IQGAP2: variants seen among roughly 807,000 people sequenced by gnomAD.
The protein encoded by IQGAP2 is ras GTPase-activating-like protein IQGAP2.
In IQGAP2, 173 loss-of-function variants were observed where a neutral mutation model predicts 201.3. The observed-to-expected ratio is 0.86, with a 90% CI of 0.76 to 0.98. IQGAP2 has a LOEUF of 0.98. IQGAP2 is among the 50% of genes least tolerant of loss of function. The pLI is 0.00. For missense variants in IQGAP2, 1,687 were observed against 1,864.8 expected (o/e 0.90, Z 1.76); for synonymous variants, 675 against 673.9 (o/e 1.00, Z -0.03).
chr5:76,523,298 T>C (rs150445707), intron 2 of IQGAP2, among the ~76,000 whole-genome samples: 2 of 152,088 alleles, frequency 1.3e-5, no homozygotes, highest in East Asian at 3.9e-4. Flanking sequence ...TCTATGCTGC[T>C]GGGGCTGTTC....
intron 20 of IQGAP2, 43 bp from the exon 21 acceptor site, chr5:76,658,416 C>G (rs201828708): frequency 2.2e-5 from 32 of 1,457,776 alleles, no homozygotes; most frequent in Non-Finnish European, 2.9e-5. Context: ...GATAATCATT[C>G]CAAGCTTTCC....
rs1747339082 is a variant in IQGAP2 at position 76,701,071 on chromosome 5, G to T, written c.4368-5G>T. 6.2e-7 allele frequency: 1 copy of T among 1,613,804 alleles called. No homozygotes were observed. Among genetic ancestry groups the T allele is most frequent in the Non-Finnish European group, 8.5e-7 (1 of 1,179,906 alleles). On this transcript the variant is annotated splice_region_variant and splice_polypyrimidine_tract_variant and intron_variant, in intron 33 of 35. Coordinates refer to ENST00000274364, the MANE Select transcript of IQGAP2 (RefSeq NM_006633.5). ...ACAACAAATGTTCTGTTCTTATTTT[G>T]TCAGAAATACTCGGAGATCAATTAA...
At chr5:76,608,889 T>TA (rs1258544006) in intron 12 of IQGAP2, 2 of 465,532 alleles carry the variant, frequency 4.3e-6, no homozygotes, top group African/African-American at 3.9e-5. Context: ...ACATGAACTC[T>TA]AAAAGAACGC....
intron 15 of IQGAP2, among the ~76,000 whole-genome samples, chr5:76,635,915 A>C (rs888176370): frequency 6.6e-6 from 1 of 152,192 alleles, no homozygotes; most frequent in Non-Finnish European, 1.5e-5. Flanking sequence ...TTACTTGTAA[A>C]CATCCTAACT....
chr5:76,505,894 C>T (rs537946105), intron 2 of IQGAP2, among the ~76,000 whole-genome samples: 2 of 152,300 alleles, frequency 1.3e-5, no homozygotes, highest in Admixed American at 6.5e-5. Context: ...CATTGCCCCT[C>T]TGCTCAGCAA....
At chr5:76,676,948 G>A (rs766274044) in intron 27 of IQGAP2, among the ~76,000 whole-genome samples, 7 of 152,028 alleles carry the variant, frequency 4.6e-5, no homozygotes, top group Admixed American at 6.6e-5. Flanking sequence ...GATGACCTAC[G>A]CATAGGTCAC....
intron 5 of IQGAP2, among the ~76,000 whole-genome samples, chr5:76,583,971 C>T (rs1207606320): frequency 6.6e-6 from 1 of 151,812 alleles, no homozygotes; most frequent in Non-Finnish European, 1.5e-5. Flanking sequence ...CTCCCTGGTT[C>T]AAGCAATTCT....
chr5:76,496,602 G>T (rs1180822968), intron 2 of IQGAP2, among the ~76,000 whole-genome samples: 1 of 152,160 alleles, frequency 6.6e-6, no homozygotes, highest in Non-Finnish European at 1.5e-5. Context: ...ATTGTTGGGG[G>T]ATCATGCGGA....
At chr5:76,603,786 G>T (rs953285084) in intron 11 of IQGAP2, among the ~76,000 whole-genome samples, 2 of 152,068 alleles carry the variant, frequency 1.3e-5, no homozygotes, top group Non-Finnish European at 2.9e-5. Flanking sequence ...AGCTTCCCAG[G>T]GCTCTTAGAT....
chr5:76,620,961 C>A (rs1165023729), intron 13 of IQGAP2, among the ~76,000 whole-genome samples: 5 of 152,150 alleles, frequency 3.3e-5, no homozygotes, highest in African/African-American at 1.2e-4. Flanking sequence ...TATTATATAA[C>A]TTTTTGTAAC....
intron 2 of IQGAP2, among the ~76,000 whole-genome samples, chr5:76,530,599 T>C (rs1759238076): frequency 6.6e-6 from 1 of 152,196 alleles, no homozygotes; most frequent in Non-Finnish European, 1.5e-5. Flanking sequence ...AATTGTGTTA[T>C]GTACATAAAT....
chr5:76,541,443 C>T (rs986096016), intron 2 of IQGAP2, among the ~76,000 whole-genome samples: 5 of 152,128 alleles, frequency 3.3e-5, no homozygotes, highest in African/African-American at 7.2e-5. Context: ...TTGCTGGGCA[C>T]GTGAGTTGTT....
At chr5:76,404,937 G>T (rs534310977) in intron 1 of IQGAP2, among the ~76,000 whole-genome samples, 2 of 148,738 alleles carry the variant, frequency 1.3e-5, no homozygotes, top group African/African-American at 4.9e-5. Flanking sequence ...AGCAGAGCCC[G>T]TTGGGTTCAA....
intron 12 of IQGAP2, chr5:76,607,548 G>A (rs1274797909): frequency 1.3e-5 from 2 of 152,222 alleles, no homozygotes; most frequent in Admixed American, 6.5e-5. Context: ...TTTCAGTGAA[G>A]CATTTAAAGT....
At chr5:76,452,784 T>G in intron 1 of IQGAP2, among the ~76,000 whole-genome samples, 1 of 152,200 alleles carries the variant, frequency 6.6e-6, no homozygotes. Context: ...AACCAGTTGT[T>G]TTGAATCCCA....
intron 28 of IQGAP2, among the ~76,000 whole-genome samples, chr5:76,681,860 G>T (rs1472592599): frequency 6.6e-6 from 1 of 152,128 alleles, no homozygotes; most frequent in Non-Finnish European, 1.5e-5. Flanking sequence ...TGGATAAAAT[G>T]TGTTATATTC....
Position 76,412,011 on chromosome 5 carries a change from CCTT to C in IQGAP2, c.46+8423_46+8425del, listed in dbSNP as rs555551137. Among the ~76,000 whole-genome samples, 201 of 152,254 alleles carry C rather than the reference CCTT, an allele frequency of 1.3e-3. 1 individual carries two copies. Among genetic ancestry groups the C allele is most frequent in the African/African-American group, 4.6e-3 (191 of 41,542 alleles). ...GACAGTAAGAATTGATAGATGTCCT[CCTT>C]CTCCATTTTTTTTCTCTCCAGGACA... On this transcript the variant is annotated intron_variant, in intron 1 of 35. Transcript: ENST00000274364.
chr5:76,677,344 ACACT>A lies in IQGAP2; in HGVS notation c.3657_3660del (p.Leu1221CysfsTer16), dbSNP rs1388647068. On this transcript the variant is annotated frameshift_variant and splice_region_variant, in exon 28 of 36. Coordinates refer to ENST00000274364, the MANE Select transcript of IQGAP2 (RefSeq NM_006633.5). LOFTEE classifies it high-confidence loss of function. ...TTTCAATTGAAGAAATCATCAGCAC[ACACT>A]CAGTAAGTGGGGATGGGGAGCCATC... 5 of 1,613,608 alleles carry A rather than the reference ACACT, an allele frequency of 3.1e-6. No homozygotes were observed. The highest frequency in any genetic ancestry group is 4.2e-6 in the Non-Finnish European group (5 of 1,179,784).
intron 1 of IQGAP2, among the ~76,000 whole-genome samples, chr5:76,418,562 C>G (rs1235534870): frequency 6.8e-6 from 1 of 147,850 alleles, no homozygotes; most frequent in African/African-American, 2.5e-5. Context: ...TAGCTGTACT[C>G]TAGCCTGGGT....
Sources: gnomAD v4.1 joint callset for allele counts (sites outside exome capture counted in the v4.1 genomes callset) on GRCh38, gnomAD v4.1.1 for gene constraint, MANE v1.5 for transcripts, NCBI Gene and HGNC (gene_info 2026-07-23, HGNC 2026-07-21) for gene names.